Variants in FBLN2 observed in about 807,000 individuals in gnomAD.
FBLN2 encodes the protein fibulin 2.
In FBLN2, 81 loss-of-function variants were observed where a neutral mutation model predicts 123.7. The observed-to-expected ratio is 0.65, with a 90% CI of 0.55 to 0.79. The LOEUF (loss-of-function observed/expected upper bound fraction) is 0.79, where lower values mean the gene tolerates loss of function less well. Among genes scored for constraint, FBLN2 ranks in the 30% least tolerant of loss-of-function variants. The probability of loss-of-function intolerance (pLI) is 0.00; values close to 1 mark genes in which losing one functional copy is unlikely to be tolerated. For synonymous variants in FBLN2, 699 were observed against 701.4 expected, an observed-to-expected ratio of 1.00 and a Z score of 0.05; for missense variants, 1,603 against 1,681.3, an observed-to-expected ratio of 0.95 and a Z score of 0.81.
intron 2 of FBLN2, among the ~76,000 whole-genome samples, chr3:13,594,863 G>C (rs1000719877): frequency 9.2e-5 from 14 of 152,212 alleles, no homozygotes; most frequent in Non-Finnish European, 1.5e-4. Context: ...GGGCCAGAGG[G>C]GTGGCAGGGA....
At chr3:13,599,273 C>G (rs1349386416) in intron 2 of FBLN2, among the ~76,000 whole-genome samples, 1 of 152,140 alleles carries the variant, frequency 6.6e-6, no homozygotes, top group Non-Finnish European at 1.5e-5. Context: ...AGGAGAGACC[C>G]CCAGAAAGAG....
rs60854288 is a variant in FBLN2, at chr3:13,558,174, G to A, written c.-42+8966G>A. On this transcript the variant is annotated intron_variant, in intron 1 of 17. Coordinates refer to ENST00000404922, the MANE Select transcript of FBLN2 (RefSeq NM_001004019.2). ...CTGCCTCCTTCCAGATGCTGTGGTGGCCAAGGGAGCCTGGTTCTGCCGTAG... is the reference window on the plus strand; with the variant it reads ...CTGCCTCCTTCCAGATGCTGTGGTGACCAAGGGAGCCTGGTTCTGCCGTAG... Among the ~76,000 whole-genome samples the A allele has an allele frequency of 7.3e-3, 1,108 of 152,306 alleles. 12 individuals are homozygous for A. The highest frequency in any genetic ancestry group is 0.025 in the African/African-American group (1,049 of 41,562).
In FBLN2 at chr3:13,571,351, T is replaced by C. The variant is rs1703944583; in HGVS notation, c.996T>C (p.Ala332=). Residue 332 remains alanine, a synonymous_variant, in exon 2 of 18, where the codon GCT becomes GCC. Coordinates refer to ENST00000404922, the MANE Select transcript of FBLN2 (RefSeq NM_001004019.2). ...ERAEAGARAE[A]GARPEENLIL... ...CAGAAGCTGGGGCAAGGGCAGAAGC[T>C]GGGGCAAGGCCTGAAGAGAACCTCA... The C allele has an allele frequency of 6.2e-7, 1 of 1,611,538 alleles. No homozygotes were observed. The highest frequency in any genetic ancestry group is 8.5e-7 in the Non-Finnish European group (1 of 1,179,106).
chr3:13,588,636 C>T (rs553141554), intron 2 of FBLN2, among the ~76,000 whole-genome samples: 6 of 152,328 alleles, frequency 3.9e-5, no homozygotes, highest in Admixed American at 3.3e-4. Flanking sequence ...ACGGATCACC[C>T]GAGGCTTTGC....
chr3:13,581,931 T>C (rs111283150), intron 2 of FBLN2, among the ~76,000 whole-genome samples: 59 of 152,262 alleles, frequency 3.9e-4, no homozygotes, highest in African/African-American at 1.4e-3. Context: ...GCTTGGGTCC[T>C]GGCACAGGGC....
chr3:13,636,563 C>G lies in FBLN2; in HGVS notation c.3333C>G (p.Ser1111=), dbSNP rs1462566508. ...GTCCTCCCAACTATGTCCAAGTCTC[C>G]AAAACGTGAGTGTCCCCACCCCAGT... is the stretch of plus-strand genomic sequence containing the variant. ...FECPPNYVQV[S]KTKCERTTCH... Residue 1111 remains serine (S), a synonymous_variant, in exon 17 of 18, where the codon TCC becomes TCG. Transcript: ENST00000404922. 6.2e-7 allele frequency: 1 copy of G among 1,613,016 alleles called. No homozygotes were observed. Among genetic ancestry groups the G allele is most frequent in the African/African-American group, 1.3e-5 (1 of 74,912 alleles).
chr3:13,599,509 G>C (rs571129352), intron 2 of FBLN2, among the ~76,000 whole-genome samples: 15 of 152,268 alleles, frequency 9.9e-5, no homozygotes, highest in South Asian at 8.3e-4. Flanking sequence ...GAGACCACGG[G>C]GGGTCATAGG....
At chr3:13,600,170 A>G (rs1470918997) in intron 2 of FBLN2, among the ~76,000 whole-genome samples, 1 of 149,118 alleles carries the variant, frequency 6.7e-6, no homozygotes, top group Non-Finnish European at 1.5e-5. Context: ...GCCTTGGAGA[A>G]TCAGGGTGGA....
intron 16 of FBLN2, among the ~76,000 whole-genome samples, 168 bp from the exon 17 acceptor site, chr3:13,636,277 C>G (rs1706463316): frequency 6.6e-6 from 1 of 152,226 alleles, no homozygotes; most frequent in South Asian, 2.1e-4. Context: ...AGGCCCCCTG[C>G]TGCGGGGTGC....
At position 13,608,188 on chromosome 3, in the gene FBLN2, C is replaced by G; in HGVS notation, c.1418+15C>G. 1 of 1,552,468 alleles carries G rather than the reference C, an allele frequency of 6.4e-7. No homozygotes were observed. Among genetic ancestry groups the G allele is most frequent in the Non-Finnish European group, 8.7e-7 (1 of 1,143,740 alleles). On this transcript the variant is annotated intron_variant, in intron 3 of 17. Transcript: ENST00000404922. ...AACGTCTGCAGGTAGGGTGGGCTCC[C>G]TGGAGCAGGCGGAGCTGCCCATTTG...
chr3:13,568,999 T>C (rs1437279047), intron 1 of FBLN2: 3 of 985,770 alleles, frequency 3.0e-6, no homozygotes, highest in Non-Finnish European at 3.6e-6. Context: ...GTCACTGCCC[T>C]ATGGGGCTGC....
intron 9 of FBLN2, among the ~76,000 whole-genome samples, chr3:13,624,358 G>A (rs1441044743): frequency 8.1e-6 from 1 of 123,024 alleles, no homozygotes; most frequent in Admixed American, 9.9e-5. Flanking sequence ...ATTCCTCCAG[G>A]CTGTGGGAGG....
intron 11 of FBLN2, 89 bp from the exon 12 acceptor site, chr3:13,628,816 C>T: frequency 2.0e-6 from 3 of 1,492,128 alleles, no homozygotes; most frequent in Non-Finnish European, 2.7e-6. Flanking sequence ...GAGCCCAGGA[C>T]CGACCCCCTC....
intron 1 of FBLN2, among the ~76,000 whole-genome samples, chr3:13,554,843 A>G (rs1387877641): frequency 6.6e-6 from 1 of 151,882 alleles, no homozygotes; most frequent in Non-Finnish European, 1.5e-5. Flanking sequence ...GATGAGTTTC[A>G]CCACCGTGTT....
chr3:13,568,059 C>T lies in FBLN2; in HGVS notation c.-41-2256C>T, dbSNP rs1574947758. 2.0e-5 allele frequency among the ~76,000 whole-genome samples: 3 copies of T among 152,302 alleles called. 1 individual carries two copies. The Middle Eastern group carries it at 0.01, about 518-fold the overall frequency. On this transcript the variant is annotated intron_variant, in intron 1 of 17. Transcript: ENST00000404922. ...CTGACTGGGAGTAAAGGCCCTGATT[C>T]TCCCAGGGGCCCATTCCTAATGTCA...
At chr3:13,585,937 C>T (rs1340994221) in intron 2 of FBLN2, among the ~76,000 whole-genome samples, 3 of 152,160 alleles carry the variant, frequency 2.0e-5, no homozygotes, top group Non-Finnish European at 2.9e-5. Context: ...CACTACTGTG[C>T]GCTAGTGTGT....
In FBLN2 at chr3:13,626,584, G is replaced by T; in HGVS notation, c.2431+5G>T. The T allele has an allele frequency of 6.5e-7, 1 of 1,533,234 alleles. No homozygotes were observed. The highest frequency in any genetic ancestry group is 8.8e-7 in the Non-Finnish European group (1 of 1,134,330). The allele number at this position is 1,533,234 out of a possible 1,614,324, so 95.0% of individuals were successfully genotyped here. ...TCAAGGATGGCGAGTGCGAAGGTGA[G>T]AAGGGCCCAGAAGGACCAACTGGAG... is the stretch of plus-strand genomic sequence containing the variant. On this transcript the variant is annotated splice_donor_5th_base_variant and intron_variant, in intron 10 of 17. Transcript: ENST00000404922.
At chr3:13,635,084 C>T (rs1043693204) in intron 16 of FBLN2, among the ~76,000 whole-genome samples, 2 of 152,198 alleles carry the variant, frequency 1.3e-5, no homozygotes, top group African/African-American at 4.8e-5. Flanking sequence ...CAAGGCTTTG[C>T]CCCTCTCTGA....
chr3:13,614,234 A>G, intron 5 of FBLN2, 70 bp downstream of exon 5: 1 of 1,480,412 alleles, frequency 6.8e-7, no homozygotes, highest in African/African-American at 1.4e-5. Context: ...TTCTGTGGGG[A>G]CCCTGGGTCC....
Sources: gnomAD v4.1 joint callset for allele counts (sites outside exome capture counted in the v4.1 genomes callset) on GRCh38, gnomAD v4.1.1 for gene constraint, MANE v1.5 for transcripts, NCBI Gene and HGNC (gene_info 2026-07-23, HGNC 2026-07-21) for gene names.